The following SNAP91 variants were observed in gnomAD, a reference collection of about 807,000 sequenced individuals.
SNAP91 encodes clathrin coat assembly protein AP180.
A neutral mutation model predicts 100.3 loss-of-function variants in SNAP91; 27 were observed. The ratio of observed to expected loss-of-function variants is 0.27; its 90% CI spans 0.20 to 0.37. The LOEUF (loss-of-function observed/expected upper bound fraction) is 0.37. SNAP91 is among the 10% of genes least tolerant of loss of function. The probability of loss-of-function intolerance (pLI) is 1.00; values close to 1 mark genes in which losing one functional copy is unlikely to be tolerated. For synonymous variants in SNAP91, 404 were observed against 398.6 expected (o/e 1.01, Z -0.16); for missense variants, 986 against 1,123.7 (o/e 0.88, Z 1.75).
At chr6:83,646,323 C>T (rs932278564) in intron 7 of SNAP91, among the ~76,000 whole-genome samples, 1 of 152,226 alleles carries the variant, frequency 6.6e-6, no homozygotes, top group East Asian at 1.9e-4. Context: ...TAGGTTTTCT[C>T]CTATGTTACC....
intron 7 of SNAP91, among the ~76,000 whole-genome samples, chr6:83,649,523 T>G (rs2098105019): frequency 6.6e-6 from 1 of 152,206 alleles, no homozygotes; most frequent in Admixed American, 6.6e-5. Flanking sequence ...TCATTAGAAG[T>G]GTCTCTAAGT....
chr6:83,686,543 A>G (rs563371767), intron 2 of SNAP91, among the ~76,000 whole-genome samples: 1 of 152,334 alleles, frequency 6.6e-6, no homozygotes, highest in East Asian at 1.9e-4. Flanking sequence ...AAATTACTGA[A>G]ATTTAGGGCC....
chr6:83,562,048 C>T (rs1188246045), intron 26 of SNAP91, among the ~76,000 whole-genome samples: 1 of 152,074 alleles, frequency 6.6e-6, no homozygotes, highest in African/African-American at 2.4e-5. Flanking sequence ...ATAACAACAA[C>T]AAAAGCTTCC....
chr6:83,645,193 C>T (rs1370059412), intron 7 of SNAP91, among the ~76,000 whole-genome samples: 1 of 151,782 alleles, frequency 6.6e-6, no homozygotes, highest in East Asian at 1.9e-4. Flanking sequence ...TTGTCTTCTG[C>T]AAATGGACCT....
At chr6:83,605,937 G>C (rs1417324818) in intron 13 of SNAP91, 134 bp from the exon 14 acceptor site, 3 of 808,032 alleles carry the variant, frequency 3.7e-6, no homozygotes, top group East Asian at 2.8e-5. Flanking sequence ...ACTTTGGAAA[G>C]TATAGAGCTA....
chr6:83,682,569 T>A (rs950483165), intron 2 of SNAP91, among the ~76,000 whole-genome samples: 3 of 151,846 alleles, frequency 2.0e-5, no homozygotes, highest in South Asian at 2.1e-4. Context: ...AAGTATATAT[T>A]TTTTTAAATT....
rs914835109 is a variant in SNAP91, at chr6:83,592,930, T to C, written c.1846+16A>G. 3 of 1,566,028 alleles carry C rather than the reference T, an allele frequency of 1.9e-6. No individual in the cohort carries two copies. Among genetic ancestry groups the C allele is most frequent in the African/African-American group, 1.4e-5 (1 of 73,700 alleles). ...ACAAGACATCTCTGAAGTCCTGACC[T>C]TGGCAAAGCACTCACCAGATAAGAG... On this transcript the variant is annotated intron_variant, in intron 20 of 29. Coordinates refer to ENST00000369694, the MANE Select transcript of SNAP91 (RefSeq NM_001242792.2).
At chr6:83,695,899 T>G (rs1016076796) in intron 2 of SNAP91, among the ~76,000 whole-genome samples, 1 of 135,984 alleles carries the variant, frequency 7.4e-6, no homozygotes, top group African/African-American at 2.7e-5. Context: ...AACTAAAAAT[T>G]AAGCAACTCC....
chr6:83,576,028 T>C lies in SNAP91; in HGVS notation c.2325A>G (p.Thr775=). 1 of 1,418,468 alleles carries C rather than the reference T, an allele frequency of 7.0e-7. No homozygotes were observed. Among genetic ancestry groups the C allele is most frequent in the Admixed American group, 2.3e-5 (1 of 43,272 alleles). 87.9% of individuals were successfully genotyped at this position (1,418,468 alleles called of 1,614,324 possible). ...VGNLGISGTT[T]KKGDLQWNAG... ...CATAATTTCCAAACACTTACTTTTT[T>C]GTTGTGGTACCAGAAATTCCAAGAT... is the stretch of plus-strand genomic sequence containing the variant. The change falls in exon 25 of 30, where the codon ACA becomes ACG. Residue 775 remains threonine (T), a synonymous_variant. Coordinates refer to ENST00000369694, the MANE Select transcript of SNAP91 (RefSeq NM_001242792.2).
At chr6:83,630,422 G>C (rs2097159221) in intron 8 of SNAP91, among the ~76,000 whole-genome samples, 1 of 152,100 alleles carries the variant, frequency 6.6e-6, no homozygotes, top group African/African-American at 2.4e-5. Context: ...CAATAGGATT[G>C]ATACCAACTC....
At chr6:83,593,356 A>G (rs189295984) in intron 18 of SNAP91, 97 bp from the exon 19 acceptor site, 1 of 1,516,634 alleles carries the variant, frequency 6.6e-7, no homozygotes, top group Non-Finnish European at 8.9e-7. Context: ...AAGAACTCTG[A>G]ATTAAGCAGC....
At chr6:83,568,130 T>C (rs184917653) in intron 26 of SNAP91, among the ~76,000 whole-genome samples, 1,976 of 152,012 alleles carry the variant, frequency 0.013, 37 homozygotes, top group African/African-American at 0.045. Flanking sequence ...ATTAAGAAAA[T>C]GTGGCACATA....
Position 83,554,691 on chromosome 6 carries a change from T to C in SNAP91, c.*11-406A>G, listed in dbSNP as rs1196099448. Among the ~76,000 whole-genome samples the C allele has an allele frequency of 2.6e-5, 4 of 152,254 alleles. No homozygotes were observed. The South Asian group carries it at 6.2e-4, about 24-fold the overall frequency. ...CATTATTTTTTCATGTATTCAGTTA[T>C]GGTGTTCAATGAGTCACTTTCTAAA... On this transcript the variant is annotated intron_variant, in intron 29 of 29. Transcript: ENST00000369694.
intron 7 of SNAP91, among the ~76,000 whole-genome samples, chr6:83,652,562 T>C (rs1021131171): frequency 5.3e-5 from 8 of 152,164 alleles, no homozygotes; most frequent in Admixed American, 3.3e-4. Flanking sequence ...CATATAGGTA[T>C]ATGCTTTATA....
chr6:83,625,325 A>G (rs1391096760), intron 8 of SNAP91, among the ~76,000 whole-genome samples: 3 of 152,066 alleles, frequency 2.0e-5, no homozygotes, highest in Non-Finnish European at 2.9e-5. Flanking sequence ...TGTCTTTGCT[A>G]TTTGAATAGT....
chr6:83,628,222 CATATATATATATAT>C lies in SNAP91; in HGVS notation c.766-4894_766-4881del, dbSNP rs57893971. Among the ~76,000 whole-genome samples, 2 of 124,720 alleles carry C rather than the reference CATATATATATATAT, an allele frequency of 1.6e-5. 1 individual carries two copies. Among genetic ancestry groups the C allele is most frequent in the East Asian group, 5.9e-4 (2 of 3,394 alleles). 81.8% of individuals were successfully genotyped at this position (124,720 alleles called of 152,430 possible). A position where few individuals can be genotyped will look rare whatever the true frequency, so the allele number is the denominator to read the frequency against. ...TATAGCTAAGTAATATTCCATTTTA[CATATATATATATAT>C]ATATATATATCACAGTTTATTTATC... is the stretch of plus-strand genomic sequence containing the variant. On this transcript the variant is annotated intron_variant, in intron 8 of 29. Transcript: ENST00000369694.
At chr6:83,598,212 A>G (rs796133109) in intron 16 of SNAP91, among the ~76,000 whole-genome samples, 1 of 152,102 alleles carries the variant, frequency 6.6e-6, no homozygotes, top group Non-Finnish European at 1.5e-5. Flanking sequence ...AATATTTATA[A>G]ATTTTACTAA....
At chr6:83,610,748 A>ATTT (rs1562331919) in intron 11 of SNAP91, 71 bp from the exon 12 acceptor site, 1 of 85,810 alleles carries the variant, frequency 1.2e-5, no homozygotes, top group Non-Finnish European at 2.0e-5. Flanking sequence ...TATATATATA[A>ATTT]ATATATATGT....
chr6:83,692,294 C>G (rs753300273), intron 2 of SNAP91, among the ~76,000 whole-genome samples: 1 of 152,148 alleles, frequency 6.6e-6, no homozygotes, highest in African/African-American at 2.4e-5. Context: ...GTGGGTAGAT[C>G]ACTTGAGGTC....
Sources: gnomAD v4.1 joint callset for allele counts (sites outside exome capture counted in the v4.1 genomes callset) on GRCh38, gnomAD v4.1.1 for gene constraint, MANE v1.5 for transcripts, NCBI Gene and HGNC (gene_info 2026-07-23, HGNC 2026-07-21) for gene names.